The following UBE2E2 variants were observed in gnomAD, a reference collection of about 807,000 sequenced individuals.
UBE2E2 encodes ubiquitin conjugating enzyme E2 E2.
Under a neutral mutation model 24.7 loss-of-function variants are expected in UBE2E2, and 6 were observed. That is an observed-to-expected ratio of 0.24 (90% CI 0.13 to 0.48). The LOEUF is 0.48. Ranked by LOEUF, UBE2E2 falls within the 20% of genes least tolerant of loss-of-function variation. The pLI is 0.99. For synonymous variants in UBE2E2, 104 were observed against 83.6 expected, an observed-to-expected ratio of 1.24 and a Z score of -1.33; for missense variants, 169 against 245.0, an observed-to-expected ratio of 0.69 and a Z score of 2.07.
chr3:23,298,684 G>T (rs1400112085), intron 3 of UBE2E2, among the ~76,000 whole-genome samples: 1 of 151,704 alleles, frequency 6.6e-6, no homozygotes, highest in Non-Finnish European at 1.5e-5. Flanking sequence ...GCTGGATTCG[G>T]TTTGCCAGTA....
At chr3:23,588,263 A>C (rs955335467) in intron 5 of UBE2E2, among the ~76,000 whole-genome samples, 3 of 152,170 alleles carry the variant, frequency 2.0e-5, no homozygotes, top group Non-Finnish European at 2.9e-5. Context: ...TAATATACCC[A>C]AATTCCCAAT....
intron 5 of UBE2E2, among the ~76,000 whole-genome samples, chr3:23,560,799 G>C (rs1695909122): frequency 6.6e-6 from 1 of 152,052 alleles, no homozygotes; most frequent in Non-Finnish European, 1.5e-5. Context: ...GTTTTGATTT[G>C]CATTTCTCTG....
chr3:23,574,901 T>C (rs1439148979), intron 5 of UBE2E2, among the ~76,000 whole-genome samples: 1 of 152,220 alleles, frequency 6.6e-6, no homozygotes, highest in African/African-American at 2.4e-5. Context: ...TGGTACAGGT[T>C]GAGTGTCCCT....
At chr3:23,238,291 A>G (rs897982168) in intron 3 of UBE2E2, among the ~76,000 whole-genome samples, 1 of 152,212 alleles carries the variant, frequency 6.6e-6, no homozygotes, top group African/African-American at 2.4e-5. Flanking sequence ...TTTTGTCACA[A>G]GATCCGCCAC....
intron 5 of UBE2E2, among the ~76,000 whole-genome samples, chr3:23,582,751 T>C (rs1696513173): frequency 6.6e-6 from 1 of 152,112 alleles, no homozygotes; most frequent in African/African-American, 2.4e-5. Flanking sequence ...GGGTTCGTTT[T>C]TTGCTTGTAA....
intron 3 of UBE2E2, among the ~76,000 whole-genome samples, chr3:23,383,508 G>A (rs76460948): frequency 0.029 from 4,381 of 151,838 alleles, 108 homozygotes; most frequent in East Asian, 0.13. Context: ...AAGCATTGCA[G>A]TGGCACTGCA....
At chr3:23,405,621 G>A (rs564801795) in intron 3 of UBE2E2, among the ~76,000 whole-genome samples, 1 of 152,250 alleles carries the variant, frequency 6.6e-6, no homozygotes, top group Non-Finnish European at 1.5e-5. Flanking sequence ...GTATAGAGGT[G>A]TCCAGGCTTT....
At chr3:23,391,212 C>G (rs1696924832) in intron 3 of UBE2E2, among the ~76,000 whole-genome samples, 1 of 152,174 alleles carries the variant, frequency 6.6e-6, no homozygotes, top group African/African-American at 2.4e-5. Context: ...AGTTGGAGTT[C>G]TTATCTACAT....
At chr3:23,274,473 C>T (rs987879068) in intron 3 of UBE2E2, among the ~76,000 whole-genome samples, 10 of 152,098 alleles carry the variant, frequency 6.6e-5, no homozygotes, top group East Asian at 5.8e-4. Flanking sequence ...CTCCTATCTC[C>T]GTCTCCCAAG....
intron 3 of UBE2E2, among the ~76,000 whole-genome samples, chr3:23,319,502 C>G (rs571395955): frequency 6.6e-6 from 1 of 152,072 alleles, no homozygotes; most frequent in Non-Finnish European, 1.5e-5. Context: ...TTTGTATTAA[C>G]AAATTTAATT....
chr3:23,382,307 G>C (rs1575596773), intron 3 of UBE2E2, among the ~76,000 whole-genome samples: 2 of 149,374 alleles, frequency 1.3e-5, no homozygotes, highest in Admixed American at 6.9e-5. Flanking sequence ...TCAGCCTCCA[G>C]AGTAGCTGGG....
chr3:23,345,128 G>A (rs1020669849), intron 3 of UBE2E2, among the ~76,000 whole-genome samples: 6 of 152,130 alleles, frequency 3.9e-5, no homozygotes, highest in Non-Finnish European at 5.9e-5. Flanking sequence ...GAGATCAATT[G>A]TGATGACTTT....
chr3:23,476,275 G>A (rs557425653), intron 3 of UBE2E2, among the ~76,000 whole-genome samples: 1 of 152,174 alleles, frequency 6.6e-6, no homozygotes, highest in East Asian at 1.9e-4. Context: ...TTGAAAACTT[G>A]GATATTGTCG....
At chr3:23,384,579 G>T (rs187441253) in intron 3 of UBE2E2, among the ~76,000 whole-genome samples, 63 of 152,270 alleles carry the variant, frequency 4.1e-4, no homozygotes, top group African/African-American at 1.4e-3. Flanking sequence ...CTCTCACTCT[G>T]TCACCCAGGC....
At chr3:23,373,313 ACT>A (rs536664087) in intron 3 of UBE2E2, among the ~76,000 whole-genome samples, 22 of 152,084 alleles carry the variant, frequency 1.4e-4, no homozygotes, top group Non-Finnish European at 2.5e-4. Flanking sequence ...ATAATGAGAC[ACT>A]CACTGTCCTG....
chr3:23,507,325 C>T (rs1694480247), intron 4 of UBE2E2, among the ~76,000 whole-genome samples: 1 of 152,116 alleles, frequency 6.6e-6, no homozygotes. Flanking sequence ...AGCACCTCTC[C>T]CTCTTGGTGT....
intron 3 of UBE2E2, among the ~76,000 whole-genome samples, chr3:23,357,315 C>T (rs183675227): frequency 1.3e-5 from 2 of 152,054 alleles, no homozygotes; most frequent in Admixed American, 1.3e-4. Flanking sequence ...TTTTAATCTA[C>T]CCATTGTCTA....
intron 2 of UBE2E2, among the ~76,000 whole-genome samples, chr3:23,210,494 A>G (rs1389688791): frequency 6.6e-6 from 1 of 152,180 alleles, no homozygotes; most frequent in Non-Finnish European, 1.5e-5. Flanking sequence ...TGAAAGATGT[A>G]CTGCTTTATG....
chr3:23,212,650 G>A (rs990892066), intron 2 of UBE2E2, among the ~76,000 whole-genome samples: 1 of 152,024 alleles, frequency 6.6e-6, no homozygotes, highest in South Asian at 2.1e-4. Flanking sequence ...TGATTCCACT[G>A]TATTCCAGTT....
Sources: gnomAD v4.1 joint callset for allele counts (sites outside exome capture counted in the v4.1 genomes callset) on GRCh38, gnomAD v4.1.1 for gene constraint, MANE v1.5 for transcripts, NCBI Gene and HGNC (gene_info 2026-07-23, HGNC 2026-07-21) for gene names.